The following SUPT20H variants were observed in gnomAD, a reference collection of about 807,000 sequenced individuals.
The protein encoded by SUPT20H is SPT20 homolog, SAGA complex component.
SUPT20H carries 82 observed loss-of-function variants against 122.8 expected under a neutral mutation model. The observed-to-expected ratio is 0.67, with a 90% CI of 0.56 to 0.80. The LOEUF (loss-of-function observed/expected upper bound fraction) is 0.80. Ranked by LOEUF, SUPT20H falls within the 30% of genes least tolerant of loss-of-function variation. The probability of loss-of-function intolerance (pLI) is 0.00; values close to 1 mark genes in which losing one functional copy is unlikely to be tolerated. For missense variants in SUPT20H, 831 were observed against 921.6 expected (o/e 0.90, Z 1.27); for synonymous variants, 291 against 313.0 (o/e 0.93, Z 0.74).
chr13:37,014,851 A>C (rs1183227881), intron 23 of SUPT20H, among the ~76,000 whole-genome samples: 1 of 152,238 alleles, frequency 6.6e-6, no homozygotes, highest in East Asian at 1.9e-4. Context: ...AAAAGGATCC[A>C]CAGGAAAAAC....
chr13:37,010,659 C>T lies in SUPT20H; in HGVS notation c.2099-4G>A, dbSNP rs2059435091. On this transcript the variant is annotated splice_polypyrimidine_tract_variant and splice_region_variant and intron_variant, in intron 24 of 25. Transcript: ENST00000350612. ...GCAGAGCCAAGCTGAGACAACACTA[C>T]AGAGAGGAGAAGGGGAAAGCAGGCC... 3 of 1,612,328 alleles carry T rather than the reference C, an allele frequency of 1.9e-6. No individual in the cohort carries two copies. Among genetic ancestry groups the T allele is most frequent in the Non-Finnish European group, 1.7e-6 (2 of 1,178,958 alleles).
chr13:37,027,791 C>A (rs560839088), intron 14 of SUPT20H, among the ~76,000 whole-genome samples: 2 of 152,090 alleles, frequency 1.3e-5, no homozygotes, highest in African/African-American at 4.8e-5. Flanking sequence ...CATCTTTTCA[C>A]ATTTATAGTA....
chr13:37,010,079 G>C (rs1219414796), intron 25 of SUPT20H, among the ~76,000 whole-genome samples: 1 of 152,142 alleles, frequency 6.6e-6, no homozygotes, highest in Non-Finnish European at 1.5e-5. Flanking sequence ...AGCAACTTCA[G>C]TTACCATTTT....
intron 10 of SUPT20H, 137 bp downstream of exon 10, chr13:37,033,312 G>A (rs545504741): frequency 0.013 from 13,571 of 1,056,736 alleles, 151 homozygotes; most frequent in South Asian, 0.038. Flanking sequence ...ACTAGCCTGG[G>A]CAACAAAGAG....
intron 16 of SUPT20H, among the ~76,000 whole-genome samples, 161 bp from the exon 17 acceptor site, chr13:37,025,598 ATATTTT>A (rs764960247): frequency 6.6e-6 from 1 of 152,216 alleles, no homozygotes; most frequent in Non-Finnish European, 1.5e-5. Context: ...TTAAAAGTAC[ATATTTT>A]TAAACTGTTC....
intron 22 of SUPT20H, among the ~76,000 whole-genome samples, chr13:37,018,908 CAA>C (rs1236996456): frequency 6.6e-6 from 1 of 152,090 alleles, no homozygotes; most frequent in Non-Finnish European, 1.5e-5. Flanking sequence ...CTGGGTCTCC[CAA>C]AGTGGTGGGA....
intron 1 of SUPT20H, among the ~76,000 whole-genome samples, chr13:37,058,397 T>C (rs990628555): frequency 6.6e-6 from 1 of 152,214 alleles, no homozygotes; most frequent in Non-Finnish European, 1.5e-5. Context: ...GAGGTTTAAG[T>C]TGAATTTAGG....
At position 37,032,664 on chromosome 13, in the gene SUPT20H, G is replaced by A. The variant is rs531794926; in HGVS notation, c.708-769C>T. On this transcript the variant is annotated intron_variant, in intron 10 of 25. Transcript: ENST00000350612. ...CTCCAAGGGGACCTAGTCACTGGGA[G>A]CCCCCAGACTTTTGGGGGTTTTATC... 2.6e-3 allele frequency among the ~76,000 whole-genome samples: 394 copies of A among 152,272 alleles called. 2 individuals are homozygous for A. Among genetic ancestry groups the A allele is most frequent in the African/African-American group, 9.1e-3 (378 of 41,550 alleles).
intron 1 of SUPT20H, among the ~76,000 whole-genome samples, chr13:37,058,452 C>T (rs2069738278): frequency 6.6e-6 from 1 of 152,132 alleles, no homozygotes; most frequent in East Asian, 1.9e-4. Context: ...GATGAAGATA[C>T]ACTATGTACT....
intron 24 of SUPT20H, chr13:37,010,934 T>C (rs2059504709): frequency 7.9e-6 from 2 of 251,766 alleles, no homozygotes; most frequent in East Asian, 7.0e-5. Context: ...AAATTTGATA[T>C]TGATGCTATT....
intron 1 of SUPT20H, chr13:37,051,792 A>G (rs1364978038): frequency 3.3e-6 from 1 of 303,402 alleles, no homozygotes; most frequent in Admixed American, 4.9e-5. Flanking sequence ...CAACTAGGAA[A>G]GGCAAAACAC....
At chr13:37,041,464 G>A (rs1247025562) in intron 7 of SUPT20H, among the ~76,000 whole-genome samples, 3 of 151,382 alleles carry the variant, frequency 2.0e-5, no homozygotes, top group Admixed American at 6.6e-5. Flanking sequence ...CTTGCAGTGA[G>A]CCGAGATTGG....
intron 24 of SUPT20H, among the ~76,000 whole-genome samples, chr13:37,011,557 A>G (rs1294832370): frequency 6.6e-6 from 1 of 152,102 alleles, no homozygotes; most frequent in African/African-American, 2.4e-5. Flanking sequence ...CATATGGCTT[A>G]CTCTTTTAAT....
intron 22 of SUPT20H, among the ~76,000 whole-genome samples, chr13:37,019,091 G>C (rs1206077551): frequency 6.6e-6 from 1 of 152,168 alleles, no homozygotes; most frequent in African/African-American, 2.4e-5. Flanking sequence ...CTCCTTGGTA[G>C]GTGCAAATTC....
At chr13:37,018,060 G>A (rs2060828970) in intron 22 of SUPT20H, among the ~76,000 whole-genome samples, 1 of 151,968 alleles carries the variant, frequency 6.6e-6, no homozygotes, top group African/African-American at 2.4e-5. Context: ...GAGGTCCTTA[G>A]GAGAATGTCC....
intron 7 of SUPT20H, among the ~76,000 whole-genome samples, chr13:37,041,091 T>C (rs984924126): frequency 1.3e-5 from 2 of 152,234 alleles, no homozygotes; most frequent in African/African-American, 4.8e-5. Context: ...TTGTTATAAA[T>C]TGCCAACCAA....
chr13:37,013,399 G>A (rs763307696), intron 23 of SUPT20H: 2 of 150,578 alleles, frequency 1.3e-5, no homozygotes, highest in Non-Finnish European at 3.0e-5. Context: ...TTCAACAAAT[G>A]GTATTGAAAC....
intron 22 of SUPT20H, 145 bp from the exon 23 acceptor site, chr13:37,017,509 C>T: frequency 1.1e-6 from 1 of 891,972 alleles, no homozygotes; most frequent in Non-Finnish European, 1.6e-6. Context: ...AACAAGTTGG[C>T]TGCCCTTAAA....
chr13:37,044,177 G>A lies in SUPT20H; in HGVS notation c.297C>T (p.Ser99=), dbSNP rs192473596. ...LMLRGKNGSD[S]ETIRLPYEEG... Reference sequence around the variant, plus strand: ...CTTCATAGGGCAGTCGAATGGTCTCGGAATCTTAATTTAAAACATGAAGTT... The same window carrying A: ...CTTCATAGGGCAGTCGAATGGTCTCAGAATCTTAATTTAAAACATGAAGTT... The change falls in exon 7 of 26, where the codon TCC becomes TCT. Residue 99 remains serine, a synonymous_variant. Coordinates refer to ENST00000350612, the MANE Select transcript of SUPT20H (RefSeq NM_001014286.3). 238 of 1,599,154 alleles carry A rather than the reference G, an allele frequency of 1.5e-4. No individual in the cohort carries two copies. Among genetic ancestry groups the A allele is most frequent in the Admixed American group, 2.9e-4 (17 of 58,272 alleles).
Sources: gnomAD v4.1 joint callset for allele counts (sites outside exome capture counted in the v4.1 genomes callset) on GRCh38, gnomAD v4.1.1 for gene constraint, MANE v1.5 for transcripts, NCBI Gene and HGNC (gene_info 2026-07-23, HGNC 2026-07-21) for gene names.